Variants in CLUH observed in about 807,000 individuals in gnomAD.
CLUH encodes CLUH binding protein of NUMT mRNA.
CLUH carries 77 observed loss-of-function variants against 139.3 expected under a neutral mutation model. The ratio of observed to expected loss-of-function variants is 0.55; its 90% CI spans 0.46 to 0.67. CLUH has a LOEUF of 0.67. Ranked by LOEUF, CLUH falls within the 30% of genes least tolerant of loss-of-function variation. The probability of loss-of-function intolerance (pLI) is 0.00; values close to 1 mark genes in which losing one functional copy is unlikely to be tolerated. For missense variants in CLUH, 1,876 were observed against 1,875.8 expected (o/e 1.00, Z 0.00); for synonymous variants, 999 against 801.6 (o/e 1.25, Z -4.16).
Position 2,691,986 on chromosome 17 carries a change from CA to C in CLUH, c.3654+17del, listed in dbSNP as rs2069695394. On this transcript the variant is annotated intron_variant, in intron 23 of 25. Coordinates refer to ENST00000651024, the MANE Select transcript of CLUH (RefSeq NM_001366661.1). The stretch of plus-strand genomic sequence containing the variant: ...GCCCCCGCCCCGCCCCCGCCCCCGC[CA>C]CGCCCCCGCCGCGCACCTGCGTCTT... The C allele has an allele frequency of 1.8e-4, 58 of 315,800 alleles. 3 individuals carry two copies. The East Asian group carries it at 0.01, about 56-fold the overall frequency. 19.6% of individuals were successfully genotyped at this position (315,800 alleles called of 1,614,324 possible).
chr17:2,707,165 G>C lies in CLUH; in HGVS notation c.101-2601C>G, dbSNP rs1197385412. The C allele has an allele frequency of 1.0e-6, 1 of 984,922 alleles. No individual in the cohort carries two copies. Among genetic ancestry groups the C allele is most frequent in the African/African-American group, 1.7e-5 (1 of 57,226 alleles). The allele number at this position is 984,922 out of a possible 1,614,324, so 61.0% of individuals were successfully genotyped here. On this transcript the variant is annotated intron_variant, in intron 1 of 25. Transcript: ENST00000651024. This position sits in a 1 kb window ranked among gnomAD's most constrained non-coding sequence, Gnocchi z 7.4. ...CAGCTGGCTGGCTCACCAGGTCCCG[G>C]TGCTCACCTGGTGCAGTTGGCAGCT...
At chr17:2,708,254 A>C (rs2070404222) in intron 1 of CLUH, among the ~76,000 whole-genome samples, 1 of 152,136 alleles carries the variant, frequency 6.6e-6, no homozygotes. Flanking sequence ...CACAGCCCCC[A>C]TGGAAGGTTC....
intron 25 of CLUH, 146 bp downstream of exon 25, chr17:2,691,463 G>A (rs1257203006): frequency 2.6e-6 from 2 of 774,246 alleles, no homozygotes; most frequent in African/African-American, 3.5e-5. Context: ...TGGGGAGGCT[G>A]AGGCAGGAGA....
intron 3 of CLUH, among the ~76,000 whole-genome samples, chr17:2,702,820 CTTTTG>C (rs1434754766): frequency 5.3e-5 from 8 of 151,098 alleles, no homozygotes; most frequent in African/African-American, 1.5e-4. Flanking sequence ...CGGCTCTGTT[CTTTTG>C]TTTTGTTTTT....
Position 2,690,579 on chromosome 17 carries a change from C to T in CLUH, c.*15G>A. On this transcript the variant is annotated 3_prime_UTR_variant, in exon 26 of 26. Coordinates refer to ENST00000651024, the MANE Select transcript of CLUH (RefSeq NM_001366661.1). ...GTGACGGGGCCGCTGGCTGGCTGTC[C>T]GTCTGGCTCCCTCTCTATCCCTGCA... 5 of 1,433,706 alleles carry T rather than the reference C, an allele frequency of 3.5e-6. No homozygotes were observed. The highest frequency in any genetic ancestry group is 2.8e-6 in the Non-Finnish European group (3 of 1,089,816). The allele number at this position is 1,433,706 out of a possible 1,614,324, so 88.8% of individuals were successfully genotyped here. A position where few individuals can be genotyped will look rare whatever the true frequency, so the allele number is the denominator to read the frequency against.
At chr17:2,691,946 C>CGG (rs1567575567) in intron 23 of CLUH, 51 bp from the exon 24 acceptor site, 30 of 1,184,248 alleles carry the variant, frequency 2.5e-5, no homozygotes, top group South Asian at 2.1e-4. Flanking sequence ...CGCGGCCCCG[C>CGG]CCCCGCCCCG....
chr17:2,704,416 G>C lies in CLUH; in HGVS notation c.249C>G (p.Asp83Glu). ...CGAGGATCTTCACAGAAAAGCCCGT[G>C]TCCTGAATGACAATGACTTCCTGGC... is the stretch of plus-strand genomic sequence containing the variant. ...TTGQEVIVIQ[D>E]TGFSVKILAP... is the part of the protein sequence containing the mutation. The change falls in exon 2 of 26, where the codon GAC becomes GAG. Residue 83 changes from aspartate (D) to glutamate (E), a missense_variant. By Grantham distance (45) the Asp-to-Glu change is conservative. Coordinates refer to ENST00000651024, the MANE Select transcript of CLUH (RefSeq NM_001366661.1). This position sits in a 1 kb window ranked among gnomAD's most constrained non-coding sequence, Gnocchi z 5.7. 6.2e-7 allele frequency: 1 copy of C among 1,611,196 alleles called. No homozygotes were observed. The highest frequency in any genetic ancestry group is 8.5e-7 in the Non-Finnish European group (1 of 1,178,880).
At chr17:2,691,740 G>T (rs748308564) in intron 24 of CLUH, 21 bp downstream of exon 24, 28 of 1,598,894 alleles carry the variant, frequency 1.8e-5, no homozygotes, top group South Asian at 2.2e-5. Flanking sequence ...GGCCGGAGGG[G>T]CCGCTCCGCC....
chr17:2,699,076 A>G (rs916850794), intron 9 of CLUH, among the ~76,000 whole-genome samples: 15 of 152,022 alleles, frequency 9.9e-5, no homozygotes, highest in African/African-American at 3.1e-4. Context: ...CAAAACCCCC[A>G]TGTTTTGAGA....
Position 2,703,561 on chromosome 17 carries a change from G to C in CLUH, c.304-72C>G. On this transcript the variant is annotated intron_variant, in intron 2 of 25. Transcript: ENST00000651024. The surrounding 1 kb of genome is among the most constrained non-coding windows in gnomAD (Gnocchi z 4.2). ...GGGAGAGAAGGCCCCAACCGCCCCG[G>C]TGAGAGGCCACGTAGCGGACAGCAA... is the stretch of plus-strand genomic sequence containing the variant. 1 of 1,492,148 alleles carries C rather than the reference G, an allele frequency of 6.7e-7. No individual in the cohort carries two copies. 92.4% of individuals were successfully genotyped at this position (1,492,148 alleles called of 1,614,324 possible).
chr17:2,690,933 T>C (rs981339411), intron 25 of CLUH, among the ~76,000 whole-genome samples, 156 bp from the exon 26 acceptor site: 1 of 152,136 alleles, frequency 6.6e-6, no homozygotes, highest in African/African-American at 2.4e-5. Flanking sequence ...GGAAGGTCCC[T>C]GAACACGGAG....
rs138474191 is a variant in CLUH, at chr17:2,703,560, G to C, written c.304-71C>G. The stretch of plus-strand genomic sequence containing the variant: ...GGGGAGAGAAGGCCCCAACCGCCCC[G>C]GTGAGAGGCCACGTAGCGGACAGCA... On this transcript the variant is annotated intron_variant, in intron 2 of 25. Coordinates refer to ENST00000651024, the MANE Select transcript of CLUH (RefSeq NM_001366661.1). This position sits in a 1 kb window ranked among gnomAD's most constrained non-coding sequence, Gnocchi z 4.2. The C allele has an allele frequency of 2.0e-6, 3 of 1,497,294 alleles. No homozygotes were observed. The highest frequency in any genetic ancestry group is 2.7e-6 in the Non-Finnish European group (3 of 1,091,578). The allele number at this position is 1,497,294 out of a possible 1,614,324, so 92.8% of individuals were successfully genotyped here.
intron 7 of CLUH, 117 bp downstream of exon 7, chr17:2,701,023 C>T: frequency 6.4e-7 from 1 of 1,554,754 alleles, no homozygotes; most frequent in South Asian, 1.2e-5. Context: ...AGCGGGGACT[C>T]CAACACTGGG....
chr17:2,708,025 T>G, intron 1 of CLUH: 2 of 982,764 alleles, frequency 2.0e-6, no homozygotes, highest in Non-Finnish European at 2.4e-6. Flanking sequence ...ACCAAGTCTC[T>G]CCCAGGGGAG....
intron 9 of CLUH, 76 bp downstream of exon 9, chr17:2,700,306 C>T (rs1025062961): frequency 1.4e-6 from 2 of 1,402,390 alleles, no homozygotes; most frequent in Non-Finnish European, 2.0e-6. Flanking sequence ...CCCTTGCTTT[C>T]CTCCTCTCCA....
At chr17:2,711,864 G>A, upstream of CLUH, 1 of 153,336 alleles carries the variant, frequency 6.5e-6, no homozygotes, top group Non-Finnish European at 1.4e-5. Flanking sequence ...GGGACAAAAC[G>A]CGCCGCGCCT....
chr17:2,691,959 A>ACGCCCCCGCCCCGCCCCCGCCC, intron 23 of CLUH, 45 bp downstream of exon 23: 1 of 379,492 alleles, frequency 2.6e-6, no homozygotes, highest in Non-Finnish European at 3.3e-6. Context: ...CCGCCCCGCC[A>ACGCCCCCGCCCCGCCCCCGCCC]CGCCCCCGCC....
intron 16 of CLUH, 35 bp downstream of exon 16, chr17:2,694,822 T>TACCCCCCCCCC: frequency 1.2e-5 from 16 of 1,346,332 alleles, no homozygotes; most frequent in Non-Finnish European, 1.5e-5. Flanking sequence ...ATCTGCCCAA[T>TACCCCCCCCCC]CCCACCCACC....
Position 2,691,771 on chromosome 17 carries a change from G to A in CLUH, c.3779C>T (p.Pro1260Leu). 5.6e-6 allele frequency: 9 copies of A among 1,595,300 alleles called. No homozygotes were observed. Among genetic ancestry groups the A allele is most frequent in the Non-Finnish European group, 7.7e-6 (9 of 1,171,576 alleles). The change falls in exon 24 of 26, where the codon CCG (proline) becomes CTG (leucine). Residue 1260 changes from proline to leucine, a missense_variant. Coordinates refer to ENST00000651024, the MANE Select transcript of CLUH (RefSeq NM_001366661.1). ...IYRNGSSANI[P>L]PLKFTAPSMA... The stretch of plus-strand genomic sequence containing the variant: ...CCGCCCCGGACTCACCTTGAGGGGC[G>A]GGATGTTGGCGCTGGAGCCGTTGCG...
Sources: gnomAD v4.1 joint callset for allele counts (sites outside exome capture counted in the v4.1 genomes callset) on GRCh38, gnomAD v4.1.1 for gene constraint, Gnocchi (gnomAD v3.1) non-coding constraint, MANE v1.5 for transcripts, NCBI Gene and HGNC (gene_info 2026-07-23, HGNC 2026-07-21) for gene names.